PCDH11Y: variants seen among roughly 807,000 people sequenced by gnomAD.
PCDH11Y encodes protocadherin 11 Y-linked.
For synonymous variants in PCDH11Y, 9 were observed against 83.6 expected, an observed-to-expected ratio of 0.11 and a Z score of 4.87; for missense variants, 12 against 224.8, an observed-to-expected ratio of 0.05 and a Z score of 6.05.
At chrY:5,113,154 A>G in intron 2 of PCDH11Y, among the ~76,000 whole-genome samples, 2 of 34,200 alleles carry the variant, frequency 5.8e-5, no homozygotes, top group Non-Finnish European at 1.5e-4. Flanking sequence ...AGGGGCTACT[A>G]GTTTCATTAA....
intron 2 of PCDH11Y, among the ~76,000 whole-genome samples, chrY:5,245,540 AAAAC>A (rs2052994898): frequency 3.2e-5 from 1 of 31,394 alleles, no homozygotes; most frequent in Non-Finnish European, 7.7e-5. Context: ...CATTGAAAGA[AAAAC>A]AAACAAACAG....
chrY:5,108,487 C>T, downstream of PCDH11Y, among the ~76,000 whole-genome samples: 1 of 32,713 alleles, frequency 3.1e-5, no homozygotes, highest in Non-Finnish European at 7.5e-5. Flanking sequence ...GTGGCTTATG[C>T]CTGTAATCCC....
chrY:5,001,643 A>G, intron 1 of PCDH11Y, among the ~76,000 whole-genome samples: 1 of 34,297 alleles, frequency 2.9e-5, no homozygotes, highest in Non-Finnish European at 7.3e-5. Context: ...ACTTTTTAAA[A>G]GCGAGCAGCC....
chrY:5,592,941 AT>A (rs1346944032), intron 4 of PCDH11Y, among the ~76,000 whole-genome samples: 12 of 26,141 alleles, frequency 4.6e-4, no homozygotes, highest in South Asian at 4.4e-3. Context: ...GTTGCCTTTA[AT>A]TTTTTTTTTT....
intron 1 of PCDH11Y, among the ~76,000 whole-genome samples, chrY:5,029,106 G>A (rs2052584663): frequency 3.0e-5 from 1 of 32,924 alleles, no homozygotes; most frequent in African/African-American, 1.2e-4. Flanking sequence ...ATCATTCTAG[G>A]AGGAAAAAAA....
intron 4 of PCDH11Y, among the ~76,000 whole-genome samples, chrY:5,680,812 T>C: frequency 6.5e-5 from 2 of 30,988 alleles, no homozygotes; most frequent in Admixed American, 6.0e-4. Context: ...CAAAAATAAT[T>C]AAAAAAAACA....
chrY:5,341,764 C>T (rs2053145448), intron 2 of PCDH11Y, among the ~76,000 whole-genome samples: 2 of 31,467 alleles, frequency 6.4e-5, no homozygotes, highest in African/African-American at 2.5e-4. Flanking sequence ...CGAGACCAGG[C>T]TGGCCAACAT....
intron 2 of PCDH11Y, among the ~76,000 whole-genome samples, chrY:5,332,117 G>A: frequency 3.0e-5 from 1 of 33,611 alleles, no homozygotes; most frequent in Non-Finnish European, 7.4e-5. Flanking sequence ...TTAGCAGGGC[G>A]TGGTTGGCAC....
intron 2 of PCDH11Y, among the ~76,000 whole-genome samples, chrY:5,297,164 G>A: frequency 3.0e-5 from 1 of 33,259 alleles, no homozygotes; most frequent in Non-Finnish European, 7.4e-5. Flanking sequence ...ATACCATGTC[G>A]GAGCTAAGGC....
chrY:5,069,947 C>A lies in PCDH11Y; in HGVS notation c.636+12488C>A, dbSNP rs2052696866. Among the ~76,000 whole-genome samples, 23 of 33,292 alleles carry A rather than the reference C, an allele frequency of 6.9e-4. No individual in the cohort carries two copies. In the South Asian group the frequency reaches 0.015, roughly 21 times the overall value. The allele number at this position is 33,292 out of a possible 37,273, so 89.3% of individuals were successfully genotyped here. A position where few individuals can be genotyped will look rare whatever the true frequency, so the allele number is the denominator to read the frequency against. ...CAATAATCTAATTGTTTTTGTTATA[C>A]TTTCCTATGTTACTGGTTTGAAGAT... is the stretch of plus-strand genomic sequence containing the variant. On this transcript the variant is annotated intron_variant, in intron 1 of 1. Transcript: ENST00000215473.
intron 2 of PCDH11Y, among the ~76,000 whole-genome samples, chrY:5,226,235 T>G (rs2052960609): frequency 3.3e-5 from 1 of 29,983 alleles, no homozygotes; most frequent in African/African-American, 1.3e-4. Flanking sequence ...GGTCTCGAAC[T>G]CCCGACCTCA....
At chrY:5,371,298 A>C in intron 2 of PCDH11Y, among the ~76,000 whole-genome samples, 2 of 32,910 alleles carry the variant, frequency 6.1e-5, no homozygotes, top group African/African-American at 1.2e-4. Flanking sequence ...AATAGCTAAG[A>C]GTCAAAATGC....
At chrY:5,212,600 A>C in intron 2 of PCDH11Y, among the ~76,000 whole-genome samples, 3 of 32,287 alleles carry the variant, frequency 9.3e-5, no homozygotes, top group African/African-American at 3.6e-4. Context: ...TAAAATTTTA[A>C]AATTTAAAAC....
At chrY:5,211,854 G>A in intron 2 of PCDH11Y, among the ~76,000 whole-genome samples, 7 of 32,624 alleles carry the variant, frequency 2.1e-4, no homozygotes, top group Non-Finnish European at 4.5e-4. Flanking sequence ...GTCCAGGCTG[G>A]TCTGGAACTC....
chrY:5,535,053 T>C (rs1602939502), intron 3 of PCDH11Y, among the ~76,000 whole-genome samples: 3 of 32,491 alleles, frequency 9.2e-5, no homozygotes. Context: ...TATTAGACCT[T>C]TGGAATTGTT....
At chrY:5,660,984 G>C (rs71204933) in intron 4 of PCDH11Y, among the ~76,000 whole-genome samples, 1 of 30,906 alleles carries the variant, frequency 3.2e-5, no homozygotes, top group African/African-American at 1.3e-4. Context: ...GACCAGCTTG[G>C]TCAACATGGT....
chrY:5,034,295 C>G, intron 3 of PCDH11Y, among the ~76,000 whole-genome samples: 2 of 33,330 alleles, frequency 6.0e-5, no homozygotes, highest in African/African-American at 2.3e-4. Context: ...GAATATAATT[C>G]ATCACATTAT....
intron 2 of PCDH11Y, among the ~76,000 whole-genome samples, chrY:5,304,006 AAGATAG>A (rs2053086780): frequency 3.1e-5 from 1 of 32,338 alleles, no homozygotes; most frequent in Non-Finnish European, 7.6e-5. Context: ...AAATGACCAG[AAGATAG>A]AGATGGCAGG....
chrY:5,235,165 T>G (rs2052973477), intron 2 of PCDH11Y, among the ~76,000 whole-genome samples: 28 of 32,608 alleles, frequency 8.6e-4, no homozygotes, highest in Non-Finnish European at 3.7e-4. Context: ...TTCAAAATAT[T>G]TGATTAAATA....
Sources: gnomAD v4.1 joint callset for allele counts (sites outside exome capture counted in the v4.1 genomes callset) on GRCh38, gnomAD v4.1.1 for gene constraint, MANE v1.5 for transcripts, NCBI Gene and HGNC (gene_info 2026-07-23, HGNC 2026-07-21) for gene names.